Variants in SYN3 observed in about 807,000 individuals in gnomAD.
SYN3 encodes the protein synapsin III.
Under a neutral mutation model 65.8 loss-of-function variants are expected in SYN3, and 35 were observed. The ratio of observed to expected loss-of-function variants is 0.53; its 90% confidence interval spans 0.41 to 0.70. The LOEUF is 0.70. Among genes scored for constraint, SYN3 ranks in the 30% least tolerant of loss-of-function variants. The probability of loss-of-function intolerance (pLI) is 0.00; values close to 1 mark genes in which losing one functional copy is unlikely to be tolerated. For synonymous variants in SYN3, 270 were observed against 292.9 expected, an observed-to-expected ratio of 0.92 and a Z score of 0.80; for missense variants, 680 against 749.0, an observed-to-expected ratio of 0.91 and a Z score of 1.08.
chr22:32,530,769 C>G (rs1486092311), intron 10 of SYN3, among the ~76,000 whole-genome samples: 1 of 151,964 alleles, frequency 6.6e-6, no homozygotes, highest in Non-Finnish European at 1.5e-5. Context: ...CTTTGGGAGG[C>G]CGGGGCGGGC....
chr22:32,981,630 C>T (rs1189757495), intron 2 of SYN3, among the ~76,000 whole-genome samples: 14 of 151,706 alleles, frequency 9.2e-5, no homozygotes, highest in Non-Finnish European at 1.0e-4. Context: ...CTACATATTT[C>T]TAAGGGTTAC....
At chr22:32,633,504 C>T (rs968072591) in intron 6 of SYN3, among the ~76,000 whole-genome samples, 1 of 152,236 alleles carries the variant, frequency 6.6e-6, no homozygotes, top group South Asian at 2.1e-4. Flanking sequence ...GTCCTACGTG[C>T]GTAGGCATTA....
intron 6 of SYN3, among the ~76,000 whole-genome samples, chr22:32,641,960 A>C (rs764542529): frequency 2.6e-5 from 4 of 152,074 alleles, no homozygotes; most frequent in Non-Finnish European, 4.4e-5. Context: ...TTTCTAGAGC[A>C]TTTCCTCTGG....
In SYN3 at chr22:32,959,291, C is replaced by T. The variant is rs61062818; in HGVS notation, c.369+21354G>A. ...GGACTTGCTCCTCCTTGCCTTCCAT[C>T]ATGATTGTGAGGCTTCCCCAGCTAC... On this transcript the variant is annotated intron_variant, in intron 3 of 13. Coordinates refer to ENST00000358763, the MANE Select transcript of SYN3 (RefSeq NM_003490.4). Among the ~76,000 whole-genome samples, 1,137 of 152,152 alleles carry T rather than the reference C, an allele frequency of 7.5e-3. 17 individuals are homozygous for T. Among genetic ancestry groups the T allele is most frequent in the African/African-American group, 0.026 (1,084 of 41,524 alleles).
chr22:32,796,630 T>C (rs768884312), intron 6 of SYN3, among the ~76,000 whole-genome samples: 2 of 152,134 alleles, frequency 1.3e-5, no homozygotes, highest in Admixed American at 6.5e-5. Context: ...CTCATGGGGA[T>C]GGGTGGACCA....
chr22:33,007,941 T>G (rs1253675955), intron 1 of SYN3, among the ~76,000 whole-genome samples: 2 of 15,536 alleles, frequency 1.3e-4, no homozygotes, highest in Non-Finnish European at 3.6e-4. Context: ...TTATATACAA[T>G]TTTTTTTTTT....
At chr22:33,015,220 CAAAAAAAA>C (rs1158885870) in intron 1 of SYN3, 5 of 102,020 alleles carry the variant, frequency 4.9e-5, no homozygotes, top group Non-Finnish European at 6.6e-5. Context: ...GACTCCGTCT[CAAAAAAAA>C]AAAAAAAAAA....
At chr22:32,719,756 G>A (rs999146995) in intron 6 of SYN3, among the ~76,000 whole-genome samples, 1 of 152,210 alleles carries the variant, frequency 6.6e-6, no homozygotes, top group African/African-American at 2.4e-5. Context: ...GCTGAGGTGG[G>A]AGGATGGCTT....
intron 1 of SYN3, among the ~76,000 whole-genome samples, chr22:33,035,655 T>A (rs1427055984): frequency 6.6e-6 from 1 of 152,236 alleles, no homozygotes; most frequent in African/African-American, 2.4e-5. Flanking sequence ...CACAGCTGAC[T>A]GCAGACTCAT....
chr22:32,608,432 A>G (rs1028923922), intron 6 of SYN3, among the ~76,000 whole-genome samples: 1 of 152,248 alleles, frequency 6.6e-6, no homozygotes, highest in South Asian at 2.1e-4. Flanking sequence ...AAAATAGTTG[A>G]ATAACAATTA....
intron 4 of SYN3, among the ~76,000 whole-genome samples, chr22:32,906,189 A>G (rs2049897340): frequency 6.6e-6 from 1 of 152,186 alleles, no homozygotes; most frequent in Admixed American, 6.5e-5. Flanking sequence ...CTTTCCCTGC[A>G]AACAACGATC....
intron 6 of SYN3, among the ~76,000 whole-genome samples, chr22:32,641,460 T>C (rs2059897901): frequency 6.6e-6 from 1 of 151,358 alleles, no homozygotes. Context: ...TACAAAAAAT[T>C]AGCTGGGCGT....
At chr22:32,785,819 C>T (rs1376598444) in intron 6 of SYN3, among the ~76,000 whole-genome samples, 1 of 152,302 alleles carries the variant, frequency 6.6e-6, no homozygotes, top group East Asian at 1.9e-4. Flanking sequence ...TCTCAGCTCT[C>T]AGAACAGGAC....
rs565491363 is a variant in SYN3, at chr22:32,509,333, G to A, written c.*4359C>T. 2.6e-5 allele frequency among the ~76,000 whole-genome samples: 4 copies of A among 152,098 alleles called. No individual in the cohort carries two copies. Among genetic ancestry groups the A allele is most frequent in the Non-Finnish European group, 5.9e-5 (4 of 68,016 alleles). On this transcript the variant is annotated 3_prime_UTR_variant, in exon 14 of 14. Transcript: ENST00000358763. ...TAGCCTCTCTCTGGCTCAAAGTTGTGAAACAAAGCAAGAAAAACAACAAAC... is the reference window on the plus strand; with the variant it reads ...TAGCCTCTCTCTGGCTCAAAGTTGTAAAACAAAGCAAGAAAAACAACAAAC...
chr22:32,848,853 C>T (rs956035380), intron 6 of SYN3, among the ~76,000 whole-genome samples: 1 of 151,518 alleles, frequency 6.6e-6, no homozygotes, highest in Non-Finnish European at 1.5e-5. Context: ...CTTCTTCTAA[C>T]CACATCCCCA....
At chr22:33,048,315 A>G (rs1056683937) in intron 1 of SYN3, among the ~76,000 whole-genome samples, 1 of 152,192 alleles carries the variant, frequency 6.6e-6, no homozygotes, top group Non-Finnish European at 1.5e-5. Context: ...CCTTCTCCAA[A>G]TAGCATGAGG....
At chr22:32,646,548 T>G (rs1351008661) in intron 6 of SYN3, among the ~76,000 whole-genome samples, 1 of 151,678 alleles carries the variant, frequency 6.6e-6, no homozygotes, top group East Asian at 2.0e-4. Flanking sequence ...GTGCTAGATC[T>G]TTTTTTGGGG....
rs781398566 is a variant in SYN3 at position 32,567,324 on chromosome 22, C to CCCTA, written c.775-25612_775-25611insTAGG. On this transcript the variant is annotated intron_variant, in intron 7 of 13. Transcript: ENST00000358763. Reference sequence around the variant, plus strand: ...GCAATAGAACGATGACGGAGATCCTCCCTCCCTCCCTCCCTCCCTCCCTCC... The same window carrying CCCTA: ...GCAATAGAACGATGACGGAGATCCTCCCTACCTCCCTCCCTCCCTCCCTCCCTCC... 4.2e-3 allele frequency among the ~76,000 whole-genome samples: 474 copies of CCCTA among 112,674 alleles called. 10 individuals are homozygous for CCCTA. The highest frequency in any genetic ancestry group is 0.03 in the South Asian group (73 of 2,434). The allele number at this position is 112,674 out of a possible 152,430, so 73.9% of individuals were successfully genotyped here.
chr22:32,866,056 C>A (rs934375358), intron 5 of SYN3, among the ~76,000 whole-genome samples: 1 of 152,156 alleles, frequency 6.6e-6, no homozygotes, highest in Non-Finnish European at 1.5e-5. Flanking sequence ...GACCACCAGC[C>A]TTAAAGGCCT....
Sources: gnomAD v4.1 joint callset for allele counts (sites outside exome capture counted in the v4.1 genomes callset) on GRCh38, gnomAD v4.1.1 for gene constraint, MANE v1.5 for transcripts, NCBI Gene and HGNC (gene_info 2026-07-23, HGNC 2026-07-21) for gene names.